The following MDM1 variants were observed in gnomAD, a reference collection of about 807,000 sequenced individuals.
MDM1 encodes stabilizer of axonemal microtubules 6, also known as Mdm1 nuclear protein.
MDM1 carries 61 observed loss-of-function variants against 89.1 expected under a neutral mutation model. The ratio of observed to expected loss-of-function variants is 0.68; its 90% CI spans 0.56 to 0.85. The LOEUF (loss-of-function observed/expected upper bound fraction) is 0.85. Among genes scored for constraint, MDM1 ranks in the 40% least tolerant of loss-of-function variants. The pLI is 0.00. For synonymous variants in MDM1, 290 were observed against 294.1 expected (o/e 0.99, Z 0.14); for missense variants, 820 against 846.5 (o/e 0.97, Z 0.39).
At position 68,332,272 on chromosome 12, in the gene MDM1, C is replaced by T; in HGVS notation, c.-27G>A. The T allele has an allele frequency of 6.3e-7, 1 of 1,581,474 alleles. No individual in the cohort carries two copies. The highest frequency in any genetic ancestry group is 8.6e-7 in the Non-Finnish European group (1 of 1,164,662). ...TCGCCCGGCGCCGGAGCCCCCGCTA[C>T]TCCGACAGTTAACTGGAGAAAAAGC... On this transcript the variant is annotated 5_prime_UTR_variant, in exon 1 of 15. Transcript: ENST00000682720.
chr12:68,314,303 A>C (rs1443249126), intron 10 of MDM1, among the ~76,000 whole-genome samples: 2 of 152,224 alleles, frequency 1.3e-5, no homozygotes, highest in South Asian at 2.1e-4. Flanking sequence ...AAGCTATATC[A>C]ACTATATCAA....
At chr12:68,330,812 T>C (rs988346110) in intron 2 of MDM1, 2 of 313,628 alleles carry the variant, frequency 6.4e-6, no homozygotes, top group African/African-American at 4.3e-5. Context: ...GGCACTGGCT[T>C]TTTTTAGCTT....
chr12:68,319,069 C>T (rs752130451), intron 7 of MDM1, among the ~76,000 whole-genome samples: 1 of 151,994 alleles, frequency 6.6e-6, no homozygotes, highest in Non-Finnish European at 1.5e-5. Context: ...CTCAACCAAT[C>T]GATGATGAAA....
chr12:68,317,212 A>G (rs1791215507), intron 7 of MDM1, among the ~76,000 whole-genome samples: 1 of 152,154 alleles, frequency 6.6e-6, no homozygotes, highest in Non-Finnish European at 1.5e-5. Context: ...CTTCATACCC[A>G]TTTGAAACCT....
chr12:68,295,243 C>T lies in MDM1; in HGVS notation c.*11G>A. On this transcript the variant is annotated 3_prime_UTR_variant, in exon 15 of 15. Coordinates refer to ENST00000682720, the MANE Select transcript of MDM1 (RefSeq NM_001354969.2). ...CCAATGTTTCCTTAGATAAAGGCAACTCAGCTAGGTTTATGTTTTACCCCA... is the reference window on the plus strand; with the variant it reads ...CCAATGTTTCCTTAGATAAAGGCAATTCAGCTAGGTTTATGTTTTACCCCA... 1 of 1,576,384 alleles carries T rather than the reference C, an allele frequency of 6.3e-7. No homozygotes were observed. The highest frequency in any genetic ancestry group is 8.7e-7 in the Non-Finnish European group (1 of 1,155,710).
chr12:68,311,123 C>G (rs760709876), intron 12 of MDM1, among the ~76,000 whole-genome samples: 5 of 152,162 alleles, frequency 3.3e-5, no homozygotes, highest in Non-Finnish European at 7.3e-5. Context: ...CAACTCCATT[C>G]CCCTTTTTCT....
At chr12:68,320,373 G>A (rs184119854) in intron 7 of MDM1, among the ~76,000 whole-genome samples, 2 of 151,458 alleles carry the variant, frequency 1.3e-5, no homozygotes, top group South Asian at 2.1e-4. Context: ...TCTTCAGGCC[G>A]TGCTCAAATA....
chr12:68,331,035 C>T (rs1671206753), intron 2 of MDM1, 72 bp downstream of exon 2: 1 of 845,712 alleles, frequency 1.2e-6, no homozygotes. Context: ...TTACTTAGCC[C>T]AAGTTATAAC....
chr12:68,322,030 A>G (rs1161438460), intron 5 of MDM1, among the ~76,000 whole-genome samples: 1 of 152,214 alleles, frequency 6.6e-6, no homozygotes, highest in Admixed American at 6.5e-5. Flanking sequence ...CTGAATAACA[A>G]TTCTTTTTTT....
chr12:68,329,932 T>G (rs916447090), intron 2 of MDM1, among the ~76,000 whole-genome samples: 1 of 152,186 alleles, frequency 6.6e-6, no homozygotes, highest in Non-Finnish European at 1.5e-5. Context: ...CAAATCATGG[T>G]TCTGCCACTT....
intron 3 of MDM1, 136 bp from the exon 4 acceptor site, chr12:68,325,711 T>A: frequency 7.5e-7 from 1 of 1,332,168 alleles, no homozygotes; most frequent in Non-Finnish European, 9.7e-7. Context: ...AATTGTTAAC[T>A]ACATGCGCAT....
At chr12:68,332,086 G>T (rs892173998) in intron 1 of MDM1, 142 bp downstream of exon 1, 33 of 1,159,454 alleles carry the variant, frequency 2.8e-5, no homozygotes, top group Non-Finnish European at 3.9e-5. Context: ...AGATTCTGGG[G>T]CCCCTCGAGC....
Position 68,302,847 on chromosome 12 carries a change from A to G in MDM1, c.1775T>C (p.Leu592Pro). 3 of 1,581,008 alleles carry G rather than the reference A, an allele frequency of 1.9e-6. No homozygotes were observed. The highest frequency in any genetic ancestry group is 1.7e-6 in the Non-Finnish European group (2 of 1,157,756). Reference protein sequence around the residue: ...TKKESRAVSLLTSPAAGIKTV... With the variant: ...TKKESRAVSLPTSPAAGIKTV... ...TTTTATACCAGCAGCTGGAGAAGTC[A>G]GTAGGGATACAGCACGACTTTCTTT... is the stretch of plus-strand genomic sequence containing the variant. The change falls in exon 13 of 15, where the codon CTG becomes CCG. Residue 592 changes from leucine (L) to proline (P), a missense_variant. By Grantham distance (98) the Leu-to-Pro change is moderately conservative (BLOSUM62 -3). Transcript: ENST00000682720.
intron 13 of MDM1, among the ~76,000 whole-genome samples, chr12:68,301,605 T>A (rs972581051): frequency 3.9e-5 from 6 of 152,142 alleles, no homozygotes; most frequent in Admixed American, 3.9e-4. Context: ...ATAAAAATTT[T>A]AAAAAACACA....
Position 68,325,526 on chromosome 12 carries a change from T to C in MDM1, c.548A>G (p.Tyr183Cys), listed in dbSNP as rs772296968. 3 of 1,598,644 alleles carry C rather than the reference T, an allele frequency of 1.9e-6. No individual in the cohort carries two copies. Among genetic ancestry groups the C allele is most frequent in the African/African-American group, 1.3e-5 (1 of 74,444 alleles). Residue 183 changes from tyrosine (Y) to cysteine (C), a missense_variant, in exon 4 of 15, where the codon TAT (tyrosine) becomes TGT (cysteine). Physicochemically the swap from Tyr to Cys is radical, Grantham distance 194. Coordinates refer to ENST00000682720, the MANE Select transcript of MDM1 (RefSeq NM_001354969.2). ...ATATTCAGAATTTCTCAAGGCATTA[T>C]ATGAAGGAACAACAGTCAATCCAGC... is the stretch of plus-strand genomic sequence containing the variant. ...KKAGLTVVPSYNALRNSEYQR... is the reference protein window; with the variant it reads ...KKAGLTVVPSCNALRNSEYQR...
chr12:68,326,298 C>T (rs926988789), intron 3 of MDM1: 2 of 1,286,452 alleles, frequency 1.6e-6, no homozygotes, highest in African/African-American at 1.5e-5. Flanking sequence ...TGAAAAGGGG[C>T]TAGGTAGAAG....
chr12:68,321,462 T>C lies in MDM1; in HGVS notation c.906-16A>G. 1 of 1,611,766 alleles carries C rather than the reference T, an allele frequency of 6.2e-7. No homozygotes were observed. The highest frequency in any genetic ancestry group is 1.1e-5 in the South Asian group (1 of 90,948). The stretch of plus-strand genomic sequence containing the variant: ...ATTCACCTTCCTAATAGAAATGAAA[T>C]GAAAGTAAATATTTCACCATGTTAA... On this transcript the variant is annotated splice_polypyrimidine_tract_variant and intron_variant, in intron 6 of 14. Coordinates refer to ENST00000682720, the MANE Select transcript of MDM1 (RefSeq NM_001354969.2).
intron 2 of MDM1, chr12:68,327,265 G>T: frequency 7.1e-7 from 1 of 1,406,150 alleles, no homozygotes; most frequent in Non-Finnish European, 9.2e-7. Context: ...AAATCAGGGG[G>T]TCACAAAATG....
rs149743460 is a variant in MDM1 at position 68,296,043 on chromosome 12, CTT to C, written c.2063-679_2063-678del. On this transcript the variant is annotated intron_variant, in intron 14 of 14. Coordinates refer to ENST00000682720, the MANE Select transcript of MDM1 (RefSeq NM_001354969.2). Reference sequence around the variant, plus strand: ...TAAACCTGCTAAACGGAAAGAAAGTCTTTAATGTATGATACAGAGTATGAAAT... The same window carrying C: ...TAAACCTGCTAAACGGAAAGAAAGTCTAATGTATGATACAGAGTATGAAAT... Among the ~76,000 whole-genome samples, 1,045 of 152,256 alleles carry C rather than the reference CTT, an allele frequency of 6.9e-3. 8 individuals are homozygous for C. The highest frequency in any genetic ancestry group is 0.024 in the African/African-American group (990 of 41,534).
Sources: allele counts gnomAD v4.1 joint callset (sites outside exome capture counted in the v4.1 genomes callset), GRCh38; gene constraint gnomAD v4.1.1; transcripts MANE v1.5; gene names NCBI Gene and HGNC (gene_info 2026-07-23, HGNC 2026-07-21).